GRID2: variants seen among roughly 807,000 people sequenced by gnomAD.
GRID2 encodes the protein glutamate ionotropic receptor delta type subunit 2, also known as glutamate receptor ionotropic, delta-2.
In GRID2, 33 loss-of-function variants were observed where a neutral mutation model predicts 114.8. That is an observed-to-expected ratio of 0.29 (90% CI 0.22 to 0.38). The LOEUF is 0.38. GRID2 is among the 10% of genes least tolerant of loss of function. The pLI is 1.00. For synonymous variants in GRID2, 505 were observed against 449.9 expected, an observed-to-expected ratio of 1.12 and a Z score of -1.55; for missense variants, 1,184 against 1,257.7, an observed-to-expected ratio of 0.94 and a Z score of 0.89.
intron 13 of GRID2, among the ~76,000 whole-genome samples, chr4:93,560,226 A>AAAAAAAAAAAAAAAAAAAAAAAAAAG (rs1734779490): frequency 1.2e-5 from 1 of 86,788 alleles, no homozygotes; most frequent in African/African-American, 4.7e-5. Flanking sequence ...TTAAAGTAAA[A>AAAAAAAAAAAAAAAAAAAAAAAAAAG]AAAAAAAAAA....
chr4:92,444,136 A>G (rs1733300601), intron 1 of GRID2, among the ~76,000 whole-genome samples: 1 of 152,176 alleles, frequency 6.6e-6, no homozygotes, highest in Non-Finnish European at 1.5e-5. Context: ...CTCACGGAGC[A>G]AAGAACAGGA....
chr4:93,042,671 CTATA>C (rs1306358359), intron 2 of GRID2, among the ~76,000 whole-genome samples: 1 of 140,806 alleles, frequency 7.1e-6, no homozygotes, highest in Non-Finnish European at 1.5e-5. Flanking sequence ...ATCTCTCTCT[CTATA>C]TATCTATATA....
intron 2 of GRID2, among the ~76,000 whole-genome samples, chr4:93,039,103 T>TGTG (rs1288248063): frequency 6.6e-6 from 1 of 151,948 alleles, no homozygotes; most frequent in Non-Finnish European, 1.5e-5. Context: ...ATAAAGAAAA[T>TGTG]GTGGCACATA....
rs572583733 is a variant in GRID2, at chr4:93,179,641, C to T, written c.736-27763C>T. On this transcript the variant is annotated intron_variant, in intron 4 of 15. Coordinates refer to ENST00000282020, the MANE Select transcript of GRID2 (RefSeq NM_001510.4). ...GTGCTAAGTACCTTGTACATATTAA[C>T]TTGTTTAATCATCAAAACAATTCAA... Among the ~76,000 whole-genome samples, 80 of 152,252 alleles carry T rather than the reference C, an allele frequency of 5.3e-4. 1 individual carries two copies. Among genetic ancestry groups the T allele is most frequent in the Admixed American group, 7.2e-4 (11 of 15,270 alleles).
chr4:92,333,809 A>T (rs985742266), intron 1 of GRID2, among the ~76,000 whole-genome samples: 11 of 152,150 alleles, frequency 7.2e-5, no homozygotes, highest in Admixed American at 1.3e-4. Context: ...ATCATTGATT[A>T]GCATCAAATT....
chr4:93,674,615 CT>C lies in GRID2; in HGVS notation c.2360+48191del, dbSNP rs34202526. ...TTTGACCTTTTGAGGCATAACGGTG[CT>C]TTTTTTTTTTATTTCTTTAAATATC... On this transcript the variant is annotated intron_variant, in intron 14 of 15. Transcript: ENST00000282020. Among the ~76,000 whole-genome samples the C allele has an allele frequency of 6.1e-3, 884 of 144,984 alleles. 8 individuals carry two copies. The highest frequency in any genetic ancestry group is 0.018 in the African/African-American group (732 of 39,882).
At chr4:92,455,627 C>A (rs973007791) in intron 1 of GRID2, among the ~76,000 whole-genome samples, 6 of 152,098 alleles carry the variant, frequency 3.9e-5, no homozygotes, top group Non-Finnish European at 7.3e-5. Flanking sequence ...TGGAGAGGAG[C>A]ATGTGCTCAA....
At chr4:93,719,276 TAAAC>T (rs1370170449) in intron 14 of GRID2, among the ~76,000 whole-genome samples, 1 of 152,082 alleles carries the variant, frequency 6.6e-6, no homozygotes, top group Non-Finnish European at 1.5e-5. Flanking sequence ...TTTGACAAGA[TAAAC>T]AGAAGAATCT....
At chr4:92,765,928 A>G (rs1367545852) in intron 2 of GRID2, among the ~76,000 whole-genome samples, 1 of 152,106 alleles carries the variant, frequency 6.6e-6, no homozygotes, top group African/African-American at 2.4e-5. Context: ...AAGTTAGTGG[A>G]ATTCAGGAGA....
intron 2 of GRID2, among the ~76,000 whole-genome samples, chr4:92,910,596 A>G (rs542216562): frequency 2.0e-5 from 3 of 152,298 alleles, no homozygotes; most frequent in African/African-American, 7.2e-5. Context: ...AGTGCTAAAT[A>G]CAATGAGAAT....
chr4:93,400,264 A>C (rs888411643), intron 9 of GRID2, among the ~76,000 whole-genome samples: 2 of 152,146 alleles, frequency 1.3e-5, no homozygotes, highest in African/African-American at 2.4e-5. Context: ...TTCTTCATAT[A>C]TAGATTTCTT....
intron 2 of GRID2, among the ~76,000 whole-genome samples, chr4:93,005,824 T>G (rs1721458745): frequency 6.6e-6 from 1 of 152,102 alleles, no homozygotes; most frequent in Non-Finnish European, 1.5e-5. Context: ...TCTTTTTATA[T>G]GAAATATCCA....
intron 13 of GRID2, among the ~76,000 whole-genome samples, chr4:93,531,283 T>C (rs558025939): frequency 1.2e-4 from 18 of 152,294 alleles, no homozygotes. Flanking sequence ...GCATTGCTTA[T>C]CTTCCCTTTT....
intron 9 of GRID2, among the ~76,000 whole-genome samples, chr4:93,412,229 T>TCC (rs572500641): frequency 1.9e-4 from 19 of 101,998 alleles, no homozygotes; most frequent in African/African-American, 6.4e-4. Context: ...GTAAGACCCA[T>TCC]CCCCCCCCCC....
chr4:93,592,011 C>T (rs1738391578), intron 13 of GRID2, among the ~76,000 whole-genome samples: 1 of 152,078 alleles, frequency 6.6e-6, no homozygotes, highest in South Asian at 2.1e-4. Context: ...AAACCAGCTC[C>T]TGGATTCATT....
intron 2 of GRID2, among the ~76,000 whole-genome samples, chr4:92,773,125 GC>G (rs1738619572): frequency 6.6e-6 from 1 of 152,258 alleles, no homozygotes; most frequent in African/African-American, 2.4e-5. Flanking sequence ...TAAATGGAAA[GC>G]CTGCTAATGC....
intron 2 of GRID2, among the ~76,000 whole-genome samples, chr4:92,947,256 A>G (rs937283308): frequency 6.6e-6 from 1 of 152,046 alleles, no homozygotes; most frequent in Non-Finnish European, 1.5e-5. Flanking sequence ...TATGAATCTC[A>G]TCCTCTTTGT....
chr4:93,805,707 C>T (rs987680140), intron 1 of GRID2, among the ~76,000 whole-genome samples: 1 of 152,160 alleles, frequency 6.6e-6, no homozygotes, highest in Non-Finnish European at 1.5e-5. Context: ...TTCAGGGTTC[C>T]TGCTGTTGAT....
intron 10 of GRID2, among the ~76,000 whole-genome samples, chr4:93,441,712 G>C (rs1721635944): frequency 6.6e-6 from 1 of 151,896 alleles, no homozygotes; most frequent in Non-Finnish European, 1.5e-5. Context: ...GCCATACCTT[G>C]AAAGATAACT....
Sources: allele counts gnomAD v4.1 joint callset (sites outside exome capture counted in the v4.1 genomes callset), GRCh38; gene constraint gnomAD v4.1.1; transcripts MANE v1.5; gene names NCBI Gene and HGNC (gene_info 2026-07-23, HGNC 2026-07-21).